Variants in OR51A4 observed in about 807,000 individuals in gnomAD.
OR51A4 encodes the protein olfactory receptor family 51 subfamily A member 4.
For synonymous variants in OR51A4, 96 were observed against 141.5 expected, an observed-to-expected ratio of 0.68 and a Z score of 2.28; for missense variants, 243 against 364.0, an observed-to-expected ratio of 0.67 and a Z score of 2.70.
Position 4,946,002 on chromosome 11 carries a change from A to C in OR51A4, c.*157T>G. ...ATAAGGCAACGTACTTCCTGTTTAT[A>C]GTTCTATTCTCATTCGCAGTATCCA... On this transcript the variant is annotated 3_prime_UTR_variant, in exon 2 of 2. Coordinates refer to ENST00000641898, the MANE Select transcript of OR51A4 (RefSeq NM_001005329.2). The C allele has an allele frequency of 2.9e-6, 2 of 700,750 alleles. No individual in the cohort carries two copies. Among genetic ancestry groups the C allele is most frequent in the South Asian group, 3.8e-5 (2 of 52,630 alleles). The allele number at this position is 700,750 out of a possible 1,614,324, so 43.4% of individuals were successfully genotyped here. A position where few individuals can be genotyped will look rare whatever the true frequency, so the allele number is the denominator to read the frequency against.
chr11:4,944,872 T>C lies in OR51A4; in HGVS notation c.*1287A>G, dbSNP rs575153150. 5.9e-5 allele frequency: 9 copies of C among 152,206 alleles called. No individual in the cohort carries two copies. The highest frequency in any genetic ancestry group is 2.2e-4 in the African/African-American group (9 of 41,548). 9.4% of individuals were successfully genotyped at this position (152,206 alleles called of 1,614,324 possible). On this transcript the variant is annotated 3_prime_UTR_variant, in exon 2 of 2. Coordinates refer to ENST00000641898, the MANE Select transcript of OR51A4 (RefSeq NM_001005329.2). ...AAACTTGTATCCTACCTTGAAGAAA[T>C]ATTACTGAACTCCTCAGTGAACATC...
In OR51A4 at chr11:4,946,847, C is replaced by G. The variant is rs764506473; in HGVS notation, c.254G>C (p.Ser85Thr). The stretch of plus-strand genomic sequence containing the variant: ...TTCAGGAGCATTGAACAGGAAGATG[C>G]TTAACACAGTGGGCAGAGATGATAA... The part of the protein sequence containing the change: ...LSLSSLPTVL[S>T]IFLFNAPEIS... The change falls in exon 2 of 2, where the codon AGC becomes ACC. Residue 85 changes from serine to threonine, a missense_variant. Coordinates refer to ENST00000641898, the MANE Select transcript of OR51A4 (RefSeq NM_001005329.2). The G allele has an allele frequency of 2.5e-6, 4 of 1,590,818 alleles. No homozygotes were observed. The South Asian group carries it at 3.3e-5, about 13-fold the overall frequency.
rs759503659 is a variant in OR51A4 at position 4,946,576 on chromosome 11, T to C, written c.525A>G (p.Gln175=). 20 of 1,582,698 alleles carry C rather than the reference T, an allele frequency of 1.3e-5. No homozygotes were observed. In the East Asian group the frequency reaches 2.9e-4, roughly 23 times the overall value. Residue 175 remains glutamine, a synonymous_variant, in exon 2 of 2, where the codon CAA becomes CAG. Coordinates refer to ENST00000641898, the MANE Select transcript of OR51A4 (RefSeq NM_001005329.2). The stretch of plus-strand genomic sequence containing the variant: ...GGTGGAGACAGTAGGAATGGGATAA[T>C]TGGTTTTTCTTGCAATATCTCAAGT... ...LRNLRYCKKN[Q]LSHSYCLHQD... is the part of the protein sequence containing the mutation.
At position 4,946,312 on chromosome 11, in the gene OR51A4, G is replaced by A. The variant is rs759820817; in HGVS notation, c.789C>T (p.His263=). Residue 263 remains histidine (H), a synonymous_variant, in exon 2 of 2, where the codon CAC becomes CAT. Transcript: ENST00000641898. The part of the protein sequence containing the change: ...YLPIINLAVV[H]RFARHVSPLI... ...GGGGAGAGACATGCCGGGCAAAGCG[G>A]TGGACAACGGCCAGGTTGATGATGG... The A allele has an allele frequency of 6.2e-7, 1 of 1,613,908 alleles. No homozygotes were observed. The highest frequency in any genetic ancestry group is 8.5e-7 in the Non-Finnish European group (1 of 1,179,986).
chr11:4,944,331 A>C lies in OR51A4; in HGVS notation c.*1828T>G. On this transcript the variant is annotated 3_prime_UTR_variant, in exon 2 of 2. Coordinates refer to ENST00000641898, the MANE Select transcript of OR51A4 (RefSeq NM_001005329.2). ...CTTCCTCTCTGTGTGAATTTCATTA[A>C]ATCAAACTCTCAGAGCCTCAATCTC... is the stretch of plus-strand genomic sequence containing the variant. 5.8e-6 allele frequency: 1 copy of C among 173,328 alleles called. No individual in the cohort carries two copies. Among genetic ancestry groups the C allele is most frequent in the Non-Finnish European group, 1.2e-5 (1 of 81,406 alleles). The allele number at this position is 173,328 out of a possible 1,614,324, so 10.7% of individuals were successfully genotyped here.
rs186167529 is a variant in OR51A4, at chr11:4,943,885, C to A, written c.*2274G>T. On this transcript the variant is annotated 3_prime_UTR_variant, in exon 2 of 2. Coordinates refer to ENST00000641898, the MANE Select transcript of OR51A4 (RefSeq NM_001005329.2). ...CAAAAACCCCTAAAATACAGATGAT[C>A]TTTGATACTCTTTTATGTGACATCT... 1 of 445,402 alleles carries A rather than the reference C, an allele frequency of 2.2e-6. No homozygotes were observed. Among genetic ancestry groups the A allele is most frequent in the African/African-American group, 2.0e-5 (1 of 49,442 alleles). 27.6% of individuals were successfully genotyped at this position (445,402 alleles called of 1,614,324 possible). A position where few individuals can be genotyped will look rare whatever the true frequency, so the allele number is the denominator to read the frequency against.
rs778619568 is a variant in OR51A4, at chr11:4,946,342, G to A, written c.759C>T (p.Tyr253=). 6.2e-7 allele frequency: 1 copy of A among 1,613,834 alleles called. No homozygotes were observed. Reference sequence around the variant, plus strand: ...CAACGGCCAGGTTGATGATGGGCAGGTAGAAGATGATCACTGCACAGATGT... The same window carrying A: ...CAACGGCCAGGTTGATGATGGGCAGATAGAAGATGATCACTGCACAGATGT... ...VSHICAVIIF[Y]LPIINLAVVH... The change falls in exon 2 of 2, where the codon TAC becomes TAT. Residue 253 remains tyrosine (Y), a synonymous_variant. Coordinates refer to ENST00000641898, the MANE Select transcript of OR51A4 (RefSeq NM_001005329.2).
chr11:4,944,091 C>G lies in OR51A4; in HGVS notation c.*2068G>C, dbSNP rs1308778348. ...TGCTTGGTTGTACTACAACCCCAAA[C>G]CCATATCTGTATTTGTAAGGTTTTG... On this transcript the variant is annotated 3_prime_UTR_variant, in exon 2 of 2. Coordinates refer to ENST00000641898, the MANE Select transcript of OR51A4 (RefSeq NM_001005329.2). 1 of 454,200 alleles carries G rather than the reference C, an allele frequency of 2.2e-6. No individual in the cohort carries two copies. The highest frequency in any genetic ancestry group is 4.4e-6 in the Non-Finnish European group (1 of 226,124). 28.1% of individuals were successfully genotyped at this position (454,200 alleles called of 1,614,324 possible).
chr11:4,944,513 G>A lies in OR51A4; in HGVS notation c.*1646C>T, dbSNP rs929287377. Reference sequence around the variant, plus strand: ...TCTATAAAGATTTTCCATTAATTGTGAAGTACGGTCAGTTGTGGGCTGATT... The same window carrying A: ...TCTATAAAGATTTTCCATTAATTGTAAAGTACGGTCAGTTGTGGGCTGATT... On this transcript the variant is annotated 3_prime_UTR_variant, in exon 2 of 2. Transcript: ENST00000641898. 1 of 154,284 alleles carries A rather than the reference G, an allele frequency of 6.5e-6. No individual in the cohort carries two copies. The highest frequency in any genetic ancestry group is 2.4e-5 in the African/African-American group (1 of 41,452). The allele number at this position is 154,284 out of a possible 1,614,324, so 9.6% of individuals were successfully genotyped here. A position where few individuals can be genotyped will look rare whatever the true frequency, so the allele number is the denominator to read the frequency against.
Position 4,947,179 on chromosome 11 carries a change from A to T in OR51A4, c.-62-17T>A. The T allele has an allele frequency of 1.0e-6, 1 of 999,504 alleles. No individual in the cohort carries two copies. The highest frequency in any genetic ancestry group is 1.4e-6 in the Non-Finnish European group (1 of 698,120). 61.9% of individuals were successfully genotyped at this position (999,504 alleles called of 1,614,324 possible). On this transcript the variant is annotated splice_polypyrimidine_tract_variant and intron_variant, in intron 1 of 1. Coordinates refer to ENST00000641898, the MANE Select transcript of OR51A4 (RefSeq NM_001005329.2). ...TAGGAATATCTGTAAATTTAGTAGA[A>T]AAAAAGCAGTGTTAAAATTTGTGGC...
chr11:4,946,378 A>T lies in OR51A4; in HGVS notation c.723T>A (p.Thr241=). 1 of 1,613,680 alleles carries T rather than the reference A, an allele frequency of 6.2e-7. No homozygotes were observed. The change falls in exon 2 of 2, where the codon ACT becomes ACA. Residue 241 remains threonine, a synonymous_variant. Coordinates refer to ENST00000641898, the MANE Select transcript of OR51A4 (RefSeq NM_001005329.2). ...SKKEQLKALN[T]CVSHICAVII... is the part of the protein sequence containing the mutation. ...TCACTGCACAGATGTGTGAAACACA[A>T]GTATTGAGAGCCTTAAGCTGCTCCT...
rs772607976 is a variant in OR51A4, at chr11:4,946,939, C to T, written c.162G>A (p.Glu54=). 1.1e-5 allele frequency: 17 copies of T among 1,606,086 alleles called. No homozygotes were observed. In the South Asian group the frequency reaches 1.3e-4, roughly 12 times the overall value. The change falls in exon 2 of 2, where the codon GAG becomes GAA. Residue 54 remains glutamate, a synonymous_variant. Coordinates refer to ENST00000641898, the MANE Select transcript of OR51A4 (RefSeq NM_001005329.2). Reference sequence around the variant, plus strand: ...AGTACATGGGCTCATGCAAGGAGGGCTCTGTCTTGATGATAAAAAGAATGG... The same window carrying T: ...AGTACATGGGCTCATGCAAGGAGGGTTCTGTCTTGATGATAAAAAGAATGG... The part of the protein sequence containing the change: ...NGTILFIIKT[E]PSLHEPMYYF...
chr11:4,946,690 G>T lies in OR51A4; in HGVS notation c.411C>A (p.Ile137=), dbSNP rs549828031. 1.1e-5 allele frequency: 18 copies of T among 1,591,382 alleles called. 1 individual carries two copies. In the Admixed American group the frequency reaches 1.3e-4, roughly 12 times the overall value. The change falls in exon 2 of 2, where the codon ATC becomes ATA. Residue 137 remains isoleucine (I), a synonymous_variant. Coordinates refer to ENST00000641898, the MANE Select transcript of OR51A4 (RefSeq NM_001005329.2). ...TTTGGGCAACTCTGACAGTTGTCAG[G>T]ATTGAGGTGTATCTCAGAGGGTTGT... is the stretch of plus-strand genomic sequence containing the variant. The part of the protein sequence containing the change: ...AIHNPLRYTS[I]LTTVRVAQIG...
At position 4,944,686 on chromosome 11, in the gene OR51A4, TATGCA is replaced by T. The variant is rs1846267620; in HGVS notation, c.*1468_*1472del. On this transcript the variant is annotated 3_prime_UTR_variant, in exon 2 of 2. Coordinates refer to ENST00000641898, the MANE Select transcript of OR51A4 (RefSeq NM_001005329.2). ...GAAAAGGCTAAAATGATTTTCGCAA[TATGCA>T]AGATTTTGAGGTCATATTAGGAAGG... 6.6e-6 allele frequency: 1 copy of T among 152,224 alleles called. No individual in the cohort carries two copies. Among genetic ancestry groups the T allele is most frequent in the South Asian group, 2.1e-4 (1 of 4,828 alleles). 9.4% of individuals were successfully genotyped at this position (152,224 alleles called of 1,614,324 possible).
Position 4,946,945 on chromosome 11 carries a change from C to T in OR51A4, c.156G>A (p.Lys52=). ...LGNGTILFII[K]TEPSLHEPMY... is the part of the protein sequence containing the mutation. ...TGGGCTCATGCAAGGAGGGCTCTGT[C>T]TTGATGATAAAAAGAATGGTGCCAT... Residue 52 remains lysine, a synonymous_variant, in exon 2 of 2, where the codon AAG becomes AAA. Coordinates refer to ENST00000641898, the MANE Select transcript of OR51A4 (RefSeq NM_001005329.2). 6.2e-7 allele frequency: 1 copy of T among 1,605,830 alleles called. No individual in the cohort carries two copies.
Position 4,943,212 on chromosome 11 carries a change from C to A in OR51A4, c.*2947G>T. On this transcript the variant is annotated 3_prime_UTR_variant, in exon 2 of 2. Coordinates refer to ENST00000641898, the MANE Select transcript of OR51A4 (RefSeq NM_001005329.2). ...GAAACACAGCGAAACAATAAGAAGA[C>A]TTACTAGAATCTTTTTAAAAAGTAT... 5.4e-6 allele frequency: 1 copy of A among 184,550 alleles called. No individual in the cohort carries two copies. The highest frequency in any genetic ancestry group is 1.1e-5 in the Non-Finnish European group (1 of 87,536). 11.4% of individuals were successfully genotyped at this position (184,550 alleles called of 1,614,324 possible).
Position 4,946,345 on chromosome 11 carries a change from G to A in OR51A4, c.756C>T (p.Phe252=), listed in dbSNP as rs1846304058. ...CGGCCAGGTTGATGATGGGCAGGTA[G>A]AAGATGATCACTGCACAGATGTGTG... is the stretch of plus-strand genomic sequence containing the variant. ...CVSHICAVII[F]YLPIINLAVV... The change falls in exon 2 of 2, where the codon TTC becomes TTT. Residue 252 remains phenylalanine, a synonymous_variant. Coordinates refer to ENST00000641898, the MANE Select transcript of OR51A4 (RefSeq NM_001005329.2). 6.2e-7 allele frequency: 1 copy of A among 1,613,730 alleles called. No homozygotes were observed. The highest frequency in any genetic ancestry group is 1.3e-5 in the African/African-American group (1 of 74,718).
Position 4,944,453 on chromosome 11 carries a change from C to T in OR51A4, c.*1706G>A, listed in dbSNP as rs1846264005. The T allele has an allele frequency of 6.3e-6, 1 of 159,014 alleles. No homozygotes were observed. The highest frequency in any genetic ancestry group is 1.4e-5 in the Non-Finnish European group (1 of 72,892). 9.9% of individuals were successfully genotyped at this position (159,014 alleles called of 1,614,324 possible). A position where few individuals can be genotyped will look rare whatever the true frequency, so the allele number is the denominator to read the frequency against. On this transcript the variant is annotated 3_prime_UTR_variant, in exon 2 of 2. Coordinates refer to ENST00000641898, the MANE Select transcript of OR51A4 (RefSeq NM_001005329.2). The stretch of plus-strand genomic sequence containing the variant: ...GCCTAAAAAGACCTGGAAGCATATC[C>T]TGCATAAATTAGAGGTTTACAAACA...
rs1162817041 is a variant in OR51A4, at chr11:4,943,792, A to G, written c.*2367T>C. On this transcript the variant is annotated 3_prime_UTR_variant, in exon 2 of 2. Coordinates refer to ENST00000641898, the MANE Select transcript of OR51A4 (RefSeq NM_001005329.2). Reference sequence around the variant, plus strand: ...GTGAAAATCATTATGCTGACCATAAATCTTCACCTCCCCCATTGAGATTTA... The same window carrying G: ...GTGAAAATCATTATGCTGACCATAAGTCTTCACCTCCCCCATTGAGATTTA... 3 of 418,846 alleles carry G rather than the reference A, an allele frequency of 7.2e-6. No individual in the cohort carries two copies. Among genetic ancestry groups the G allele is most frequent in the African/African-American group, 6.2e-5 (3 of 48,218 alleles). 25.9% of individuals were successfully genotyped at this position (418,846 alleles called of 1,614,324 possible). A position where few individuals can be genotyped will look rare whatever the true frequency, so the allele number is the denominator to read the frequency against.
Sources: allele counts gnomAD v4.1 joint callset, GRCh38; gene constraint gnomAD v4.1.1; transcripts MANE v1.5; gene names NCBI Gene and HGNC (gene_info 2026-07-23, HGNC 2026-07-21).